Variants in NFATC1 observed in about 807,000 individuals in gnomAD.
The protein encoded by NFATC1 is nuclear factor of activated T cells 1.
In NFATC1, 22 loss-of-function variants were observed where a neutral mutation model predicts 76.0. That is an observed-to-expected ratio of 0.29 (90% CI 0.21 to 0.41). The LOEUF (loss-of-function observed/expected upper bound fraction) is 0.41. Ranked by LOEUF, NFATC1 falls within the 10% of genes least tolerant of loss-of-function variation. The pLI, the probability that NFATC1 is intolerant of heterozygous loss-of-function variation, is 1.00. For synonymous variants in NFATC1, 704 were observed against 613.1 expected (o/e 1.15, Z -2.19); for missense variants, 1,357 against 1,337.7 (o/e 1.01, Z -0.23).
At chr18:79,423,786 G>T (rs542449209) in intron 2 of NFATC1, among the ~76,000 whole-genome samples, 1 of 152,304 alleles carries the variant, frequency 6.6e-6, no homozygotes, top group South Asian at 2.1e-4. Flanking sequence ...TGAGGCCCGT[G>T]CCCTCCTCTG....
intron 8 of NFATC1, 47 bp downstream of exon 8, chr18:79,467,629 G>A (rs1600829894): frequency 1.2e-6 from 2 of 1,603,146 alleles, no homozygotes; most frequent in Admixed American, 1.7e-5. Context: ...AGCGCGTGGG[G>A]TGCTTTTTCT....
rs200898942 is a variant in NFATC1, at chr18:79,486,475, G to T, written c.2320G>T (p.Ala774Ser). 6.2e-7 allele frequency: 1 copy of T among 1,608,764 alleles called. No homozygotes were observed. The highest frequency in any genetic ancestry group is 8.5e-7 in the Non-Finnish European group (1 of 1,179,744). Residue 774 changes from alanine (A) to serine (S), a missense_variant, in exon 9 of 10, where the codon GCT becomes TCT. By Grantham distance (99) the Ala-to-Ser change is moderately conservative (BLOSUM62 1). This residue lies in a region of NFATC1 where 424 missense variants were observed against 395.4 expected (regional missense o/e 1.07). Transcript: ENST00000427363. ...CCCCAAGCTCCACGACCTTTCTCCC[G>T]CTGCCTACACCAAGGGCGTTGCCAG... ...VSPKLHDLSP[A>S]AYTKGVASPG...
rs373889524 is a variant in NFATC1, at chr18:79,410,568, C to A, written c.293C>A (p.Ala98Glu). ...GYGAALDGGP[A>E]GYFLSSGHTR... ...GGAGCAGCTTTGGACGGTGGGCCCGCGGGCTACTTCCTCTCCTCCGGCCAC... is the reference window on the plus strand; with the variant it reads ...GGAGCAGCTTTGGACGGTGGGCCCGAGGGCTACTTCCTCTCCTCCGGCCAC... The change falls in exon 2 of 10, where the codon GCG becomes GAG. Residue 98 changes from alanine to glutamate, a missense_variant. Around this residue, in one of 3 missense-constraint regions of NFATC1, gnomAD observed 691 missense variants for 613.1 expected, o/e 1.13. Transcript: ENST00000427363. The surrounding 1 kb of genome is among the most constrained non-coding windows in gnomAD (Gnocchi z 6.7). The A allele has an allele frequency of 6.2e-7, 1 of 1,611,754 alleles. No homozygotes were observed. The highest frequency in any genetic ancestry group is 8.5e-7 in the Non-Finnish European group (1 of 1,180,006).
chr18:79,501,743 A>G (rs190511994), intron 9 of NFATC1, among the ~76,000 whole-genome samples: 68 of 152,184 alleles, frequency 4.5e-4, no homozygotes, highest in African/African-American at 1.6e-3. Flanking sequence ...CAAAAATGAA[A>G]TCAAGGAAAA....
intron 8 of NFATC1, among the ~76,000 whole-genome samples, chr18:79,485,433 G>A (rs764001478): frequency 2.0e-5 from 3 of 152,258 alleles, no homozygotes; most frequent in African/African-American, 7.2e-5. Context: ...CCGCCTCGCC[G>A]CTCCTGCTGA....
intron 3 of NFATC1, among the ~76,000 whole-genome samples, chr18:79,439,342 G>A (rs1391507035): frequency 1.3e-5 from 2 of 152,204 alleles, no homozygotes; most frequent in Non-Finnish European, 2.9e-5. Context: ...CAGCCGCTCC[G>A]GCCCCGCCCC....
intron 2 of NFATC1, among the ~76,000 whole-genome samples, chr18:79,412,818 G>A (rs909258681): frequency 2.6e-5 from 4 of 152,216 alleles, no homozygotes; most frequent in African/African-American, 4.8e-5. Flanking sequence ...CTGAGGTTTC[G>A]AGAGAAAGCA....
At chr18:79,469,496 C>T in intron 8 of NFATC1, 1 of 985,654 alleles carries the variant, frequency 1.0e-6, no homozygotes, top group East Asian at 1.1e-4. Context: ...CTCCTGCTAC[C>T]TCCAGTCCAC....
chr18:79,502,106 C>T (rs2090026103), intron 9 of NFATC1, among the ~76,000 whole-genome samples: 1 of 152,224 alleles, frequency 6.6e-6, no homozygotes, highest in Non-Finnish European at 1.5e-5. Context: ...AATTTCAGAA[C>T]TTTCTGTGAA....
intron 5 of NFATC1, 141 bp downstream of exon 5, chr18:79,451,267 G>A (rs1450969706): frequency 1.8e-5 from 20 of 1,084,592 alleles, no homozygotes; most frequent in South Asian, 1.3e-4. Flanking sequence ...GTGTGGCCAC[G>A]AGGGGTCTGA....
Position 79,411,415 on chromosome 18 carries a change from C to A in NFATC1, c.1140C>A (p.Gly380=). The change falls in exon 2 of 10, where the codon GGC becomes GGA. Residue 380 remains glycine, a synonymous_variant. Transcript: ENST00000427363. ...CCTCTTTCCAGCACATCAGGAAGGG[C>A]GGCTTCTGCGACCAGTACCTGGCGG... is the stretch of plus-strand genomic sequence containing the variant. ...DYSSFQHIRK[G]GFCDQYLAVP... The A allele has an allele frequency of 6.4e-7, 1 of 1,553,514 alleles. No individual in the cohort carries two copies. The highest frequency in any genetic ancestry group is 8.7e-7 in the Non-Finnish European group (1 of 1,152,886).
In NFATC1 at chr18:79,486,474, C is replaced by A. The variant is rs373477208; in HGVS notation, c.2319C>A (p.Pro773=). The A allele has an allele frequency of 3.1e-6, 5 of 1,609,152 alleles. No individual in the cohort carries two copies. Among genetic ancestry groups the A allele is most frequent in the Middle Eastern group, 1.7e-4 (1 of 6,058 alleles). Residue 773 remains proline, a synonymous_variant, in exon 9 of 10, where the codon CCC becomes CCA. Coordinates refer to ENST00000427363, the MANE Select transcript of NFATC1 (RefSeq NM_001278669.2). ...GVSPKLHDLS[P]AAYTKGVASP... ...GCCCCAAGCTCCACGACCTTTCTCCCGCTGCCTACACCAAGGGCGTTGCCA... is the reference window on the plus strand; with the variant it reads ...GCCCCAAGCTCCACGACCTTTCTCCAGCTGCCTACACCAAGGGCGTTGCCA...
chr18:79,525,826 C>T (rs561092739), intron 9 of NFATC1, among the ~76,000 whole-genome samples: 3 of 152,366 alleles, frequency 2.0e-5, no homozygotes, highest in Admixed American at 1.3e-4. Flanking sequence ...GTGTCTTCCT[C>T]CTGGGCAGGT....
intron 3 of NFATC1, among the ~76,000 whole-genome samples, chr18:79,444,815 A>G (rs955381359): frequency 6.6e-6 from 1 of 152,164 alleles, no homozygotes; most frequent in East Asian, 1.9e-4. Flanking sequence ...CTGCACACGC[A>G]CACTTCTGGT....
chr18:79,495,235 G>A (rs567241428), intron 9 of NFATC1, among the ~76,000 whole-genome samples: 457 of 152,380 alleles, frequency 3.0e-3, no homozygotes, highest in Non-Finnish European at 5.3e-3. Context: ...GTGGGCACGG[G>A]AGAAAGGAGA....
intron 9 of NFATC1, among the ~76,000 whole-genome samples, chr18:79,488,979 G>T (rs1184450331): frequency 6.6e-6 from 1 of 152,322 alleles, no homozygotes; most frequent in East Asian, 1.9e-4. Flanking sequence ...AGCAGCGGCA[G>T]TGCTGGGGGC....
chr18:79,469,802 C>A (rs1278805364), intron 8 of NFATC1: 3 of 985,432 alleles, frequency 3.0e-6, no homozygotes, highest in Non-Finnish European at 3.6e-6. Context: ...TCCCCACAAG[C>A]ACACTGACCA....
intron 2 of NFATC1, among the ~76,000 whole-genome samples, chr18:79,423,628 G>T (rs1489459904): frequency 6.6e-6 from 1 of 152,152 alleles, no homozygotes. Flanking sequence ...AAGAGGCCAA[G>T]GCACAGATGG....
intron 2 of NFATC1, among the ~76,000 whole-genome samples, chr18:79,431,431 C>T (rs981267927): frequency 1.3e-5 from 2 of 152,168 alleles, no homozygotes. Flanking sequence ...TGGCTCACTG[C>T]CATCTCAACC....
Sources: allele counts gnomAD v4.1 joint callset (sites outside exome capture counted in the v4.1 genomes callset), GRCh38; gene constraint gnomAD v4.1.1; regional missense constraint gnomAD v4.1.1; non-coding constraint Gnocchi (gnomAD v3.1); transcripts MANE v1.5; gene names NCBI Gene and HGNC (gene_info 2026-07-23, HGNC 2026-07-21).